The following CTTNBP2 variants were observed in gnomAD, a reference collection of about 807,000 sequenced individuals.
The protein encoded by CTTNBP2 is cortactin-binding protein 2.
Under a neutral mutation model 156.9 loss-of-function variants are expected in CTTNBP2, and 108 were observed. That is an observed-to-expected ratio of 0.69 (90% CI 0.59 to 0.81). CTTNBP2 has a LOEUF of 0.81. Ranked by LOEUF, CTTNBP2 falls within the 30% of genes least tolerant of loss-of-function variation. The probability of loss-of-function intolerance (pLI) is 0.00; values close to 1 mark genes in which losing one functional copy is unlikely to be tolerated. For missense variants in CTTNBP2, 1,924 were observed against 2,035.4 expected (o/e 0.95, Z 1.05); for synonymous variants, 767 against 751.8 (o/e 1.02, Z -0.33).
chr7:117,842,262 G>A (rs1212402048), intron 2 of CTTNBP2, among the ~76,000 whole-genome samples: 1 of 152,072 alleles, frequency 6.6e-6, no homozygotes, highest in Non-Finnish European at 1.5e-5. Flanking sequence ...GTGCAATGGT[G>A]CGATCCCGGC....
At chr7:117,828,352 G>C (rs1801416429) in intron 2 of CTTNBP2, among the ~76,000 whole-genome samples, 1 of 152,146 alleles carries the variant, frequency 6.6e-6, no homozygotes, top group Non-Finnish European at 1.5e-5. Flanking sequence ...CCCCCCAGAT[G>C]GGTGGCATAT....
At chr7:117,737,600 G>A (rs1323386281) in intron 14 of CTTNBP2, among the ~76,000 whole-genome samples, 3 of 152,126 alleles carry the variant, frequency 2.0e-5, no homozygotes, top group African/African-American at 7.2e-5. Flanking sequence ...TGGAGATGGA[G>A]TCTTGCTCTG....
intron 2 of CTTNBP2, among the ~76,000 whole-genome samples, chr7:117,811,258 C>T (rs1405427272): frequency 1.3e-5 from 2 of 152,140 alleles, no homozygotes; most frequent in Non-Finnish European, 2.9e-5. Flanking sequence ...TGGTGCCCTA[C>T]TCCTCAAGGA....
chr7:117,738,531 G>C (rs1409975977), intron 14 of CTTNBP2, among the ~76,000 whole-genome samples: 1 of 152,188 alleles, frequency 6.6e-6, no homozygotes, highest in Non-Finnish European at 1.5e-5. Flanking sequence ...AAGGCATTTT[G>C]AGACCGAATC....
intron 20 of CTTNBP2, 32 bp from the exon 21 acceptor site, chr7:117,719,668 A>C (rs775511227): frequency 2.5e-5 from 40 of 1,585,480 alleles, no homozygotes; most frequent in Non-Finnish European, 3.2e-5. Context: ...CGTTTTTCAA[A>C]GTGAGAACAA....
At chr7:117,778,011 C>T (rs1234140787) in intron 7 of CTTNBP2, among the ~76,000 whole-genome samples, 2 of 152,102 alleles carry the variant, frequency 1.3e-5, no homozygotes, top group Admixed American at 6.6e-5. Context: ...TACCAGTTAA[C>T]CATTTGGGGT....
At chr7:117,733,982 A>G (rs1489446721) in intron 16 of CTTNBP2, among the ~76,000 whole-genome samples, 5 of 152,222 alleles carry the variant, frequency 3.3e-5, no homozygotes, top group Non-Finnish European at 7.3e-5. Context: ...CTGATAAGGA[A>G]GAGACTGAGG....
chr7:117,855,013 G>A (rs1353333490), intron 2 of CTTNBP2, among the ~76,000 whole-genome samples: 1 of 152,088 alleles, frequency 6.6e-6, no homozygotes, highest in Non-Finnish European at 1.5e-5. Flanking sequence ...TCGAACTCCT[G>A]ACCTCAAGTG....
chr7:117,836,333 G>T (rs1801932846), intron 2 of CTTNBP2, among the ~76,000 whole-genome samples: 1 of 152,230 alleles, frequency 6.6e-6, no homozygotes, highest in Admixed American at 6.5e-5. Flanking sequence ...GGGAGGCTGA[G>T]GTGGGCGGAT....
At chr7:117,776,667 G>A (rs994188691) in intron 8 of CTTNBP2, among the ~76,000 whole-genome samples, 1 of 152,110 alleles carries the variant, frequency 6.6e-6, no homozygotes, top group African/African-American at 2.4e-5. Context: ...TCCAGAATGG[G>A]CCATGCCTGA....
intron 4 of CTTNBP2, among the ~76,000 whole-genome samples, chr7:117,785,082 G>T (rs964112406): frequency 1.3e-5 from 2 of 152,108 alleles, no homozygotes; most frequent in Non-Finnish European, 2.9e-5. Flanking sequence ...ATATATAACT[G>T]GATCTAGAGT....
chr7:117,727,641 T>A (rs1408475330), intron 17 of CTTNBP2, among the ~76,000 whole-genome samples: 1 of 152,224 alleles, frequency 6.6e-6, no homozygotes, highest in Non-Finnish European at 1.5e-5. Flanking sequence ...TTCTCCTGAT[T>A]TTCTATTTCA....
intron 4 of CTTNBP2, among the ~76,000 whole-genome samples, 160 bp downstream of exon 4, chr7:117,790,968 T>TG: frequency 6.8e-6 from 1 of 147,612 alleles, no homozygotes; most frequent in East Asian, 2.0e-4. Context: ...CCTGGAGCCT[T>TG]TAAAAAAAAT....
At chr7:117,822,096 G>A (rs1441316774) in intron 2 of CTTNBP2, among the ~76,000 whole-genome samples, 1 of 151,982 alleles carries the variant, frequency 6.6e-6, no homozygotes, top group Non-Finnish European at 1.5e-5. Flanking sequence ...AGGCTATTTG[G>A]ATTTTTTATT....
chr7:117,737,979 G>C lies in CTTNBP2; in HGVS notation c.3536-2558C>G, dbSNP rs576233064. ...ACGGCGTCAGATCAAGGTCAGAATA[G>C]TTATAAAAGCGTCATCATGGTGAGC... On this transcript the variant is annotated intron_variant, in intron 14 of 22. Transcript: ENST00000160373. Among the ~76,000 whole-genome samples, 5 of 152,324 alleles carry C rather than the reference G, an allele frequency of 3.3e-5. No individual in the cohort carries two copies. The East Asian group carries it at 9.7e-4, about 29-fold the overall frequency.
At chr7:117,826,351 AAC>A (rs565789047) in intron 2 of CTTNBP2, among the ~76,000 whole-genome samples, 11 of 152,330 alleles carry the variant, frequency 7.2e-5, no homozygotes, top group African/African-American at 2.6e-4. Flanking sequence ...TAAAAAATGA[AAC>A]AGAATCCTGT....
At chr7:117,755,047 A>G (rs1796811871) in intron 12 of CTTNBP2, among the ~76,000 whole-genome samples, 1 of 152,222 alleles carries the variant, frequency 6.6e-6, no homozygotes, top group Non-Finnish European at 1.5e-5. Context: ...TGAGGCTAAC[A>G]TTCCTGAAAA....
intron 11 of CTTNBP2, among the ~76,000 whole-genome samples, chr7:117,757,007 T>C (rs1425910251): frequency 1.3e-5 from 2 of 152,170 alleles, no homozygotes; most frequent in Non-Finnish European, 2.9e-5. Context: ...TTATCATAGA[T>C]CATTGCAATC....
At chr7:117,782,468 A>G (rs972481869) in intron 6 of CTTNBP2, among the ~76,000 whole-genome samples, 24 of 152,214 alleles carry the variant, frequency 1.6e-4, no homozygotes, top group African/African-American at 5.5e-4. Context: ...ATTACAACCA[A>G]TATAATTCTA....
Sources: gnomAD v4.1 joint callset for allele counts (sites outside exome capture counted in the v4.1 genomes callset) on GRCh38, gnomAD v4.1.1 for gene constraint, MANE v1.5 for transcripts, NCBI Gene and HGNC (gene_info 2026-07-23, HGNC 2026-07-21) for gene names.